The following COL15A1 variants were observed in gnomAD, a reference collection of about 807,000 sequenced individuals.
COL15A1 encodes the protein collagen type XV alpha 1 chain.
In COL15A1, 111 loss-of-function variants were observed where a neutral mutation model predicts 165.9. The ratio of observed to expected loss-of-function variants is 0.67; its 90% CI spans 0.57 to 0.78. COL15A1 has a LOEUF of 0.78. Ranked by LOEUF, COL15A1 falls within the 30% of genes least tolerant of loss-of-function variation. The pLI is 0.00. For missense variants in COL15A1, 1,745 were observed against 1,789.7 expected (o/e 0.98, Z 0.45); for synonymous variants, 659 against 674.8 (o/e 0.98, Z 0.36).
chr9:99,049,093 C>T (rs527993721), intron 28 of COL15A1, among the ~76,000 whole-genome samples: 6 of 152,324 alleles, frequency 3.9e-5, no homozygotes, highest in African/African-American at 1.4e-4. Flanking sequence ...TCTGCATGAA[C>T]TAAACTCTTC....
At chr9:99,002,854 A>G (rs999568706) in intron 7 of COL15A1, among the ~76,000 whole-genome samples, 3 of 152,350 alleles carry the variant, frequency 2.0e-5, no homozygotes, top group Admixed American at 2.0e-4. Context: ...TAACCAAAAG[A>G]ACCACATTTT....
At chr9:99,003,671 C>A in intron 8 of COL15A1, 84 bp downstream of exon 8, 1 of 1,375,154 alleles carries the variant, frequency 7.3e-7, no homozygotes, top group South Asian at 1.7e-5. Flanking sequence ...CTGGCTTTCC[C>A]TATGTGTCTG....
intron 31 of COL15A1, 134 bp from the exon 32 acceptor site, chr9:99,054,442 C>T: frequency 1.1e-6 from 1 of 884,200 alleles, no homozygotes. Flanking sequence ...TTTACACTTG[C>T]TGATCTCTCA....
intron 2 of COL15A1, among the ~76,000 whole-genome samples, chr9:98,950,082 T>C (rs550809817): frequency 3.1e-4 from 47 of 152,368 alleles, no homozygotes; most frequent in African/African-American, 1.1e-3. Context: ...TGTTTTTCCA[T>C]TCATTTGTTG....
intron 13 of COL15A1, 129 bp downstream of exon 13, chr9:99,022,279 G>A: frequency 1.8e-6 from 2 of 1,103,916 alleles, no homozygotes; most frequent in Admixed American, 1.9e-5. Context: ...AGGGCTTTCT[G>A]CCTCTACTAG....
intron 9 of COL15A1, among the ~76,000 whole-genome samples, chr9:99,006,049 A>G (rs1838757298): frequency 6.6e-6 from 1 of 151,782 alleles, no homozygotes. Flanking sequence ...TCTTCCTCAT[A>G]CCTCTTCCCT....
At chr9:98,966,491 A>C (rs543652481) in intron 2 of COL15A1, among the ~76,000 whole-genome samples, 1 of 152,372 alleles carries the variant, frequency 6.6e-6, no homozygotes, top group East Asian at 1.9e-4. Context: ...GGCCATGAGC[A>C]GCCTCCCTGA....
chr9:99,052,519 C>T, intron 31 of COL15A1, 86 bp downstream of exon 31: 1 of 1,121,776 alleles, frequency 8.9e-7, no homozygotes, highest in Admixed American at 1.7e-5. Context: ...AGGGCGCAGA[C>T]TAGGTGGTCA....
intron 40 of COL15A1, 67 bp from the exon 41 acceptor site, chr9:99,068,488 A>ATT: frequency 5.8e-6 from 3 of 514,248 alleles, no homozygotes; most frequent in Non-Finnish European, 1.0e-5. Context: ...AAAAAAAAAG[A>ATT]GTAAAAATCT....
At chr9:99,038,121 A>C (rs1030068795) in intron 21 of COL15A1, among the ~76,000 whole-genome samples, 16 of 151,778 alleles carry the variant, frequency 1.1e-4, no homozygotes, top group African/African-American at 3.2e-4. Context: ...GAAAAAAAAA[A>C]CACGATTTTT....
chr9:98,953,084 G>A (rs1837716923), intron 2 of COL15A1, among the ~76,000 whole-genome samples: 1 of 152,202 alleles, frequency 6.6e-6, no homozygotes. Context: ...GTGGGTAGGT[G>A]AGGGTTGTAA....
intron 36 of COL15A1, among the ~76,000 whole-genome samples, chr9:99,061,403 A>G (rs1332249554): frequency 4.6e-5 from 7 of 152,232 alleles, no homozygotes; most frequent in Admixed American, 3.9e-4. Context: ...ATGGCTGTCT[A>G]ATCTTTGGCA....
intron 31 of COL15A1, 98 bp from the exon 32 acceptor site, chr9:99,054,478 G>A (rs1282498997): frequency 7.4e-7 from 1 of 1,346,158 alleles, no homozygotes; most frequent in African/African-American, 1.5e-5. Flanking sequence ...AGTGGACTTT[G>A]CTAAATGAGC....
At chr9:98,944,384 T>C in intron 2 of COL15A1, 134 bp downstream of exon 2, 1 of 903,378 alleles carries the variant, frequency 1.1e-6, no homozygotes, top group Non-Finnish European at 1.7e-6. Flanking sequence ...CAGTGCGCAC[T>C]GGCGGTCCCG....
chr9:99,018,962 C>T (rs999945994), intron 11 of COL15A1, among the ~76,000 whole-genome samples: 12 of 151,842 alleles, frequency 7.9e-5, no homozygotes, highest in African/African-American at 2.9e-4. Context: ...TTTTTTAAAG[C>T]TCTGAGAAGG....
At chr9:99,040,162 T>A (rs1395381374) in intron 22 of COL15A1, among the ~76,000 whole-genome samples, 2 of 152,210 alleles carry the variant, frequency 1.3e-5, no homozygotes, top group African/African-American at 4.8e-5. Context: ...CAAGGGGTCT[T>A]TGTTTTCCCC....
rs1491369678 is a variant in COL15A1, at chr9:99,060,257, T to TATATA, written c.3402+304_3402+305insATATA. ...TTTTATATATATATATATATATATA[T>TATATA]TTTTTTTTTGCTGGATGAGGGGTGG... On this transcript the variant is annotated intron_variant, in intron 36 of 41. Coordinates refer to ENST00000375001, the MANE Select transcript of COL15A1 (RefSeq NM_001855.5). Among the ~76,000 whole-genome samples, 269 of 126,572 alleles carry TATATA rather than the reference T, an allele frequency of 2.1e-3. 2 individuals are homozygous for TATATA. Among genetic ancestry groups the TATATA allele is most frequent in the African/African-American group, 8.3e-3 (240 of 28,990 alleles). 83.0% of individuals were successfully genotyped at this position (126,572 alleles called of 152,430 possible). A position where few individuals can be genotyped will look rare whatever the true frequency, so the allele number is the denominator to read the frequency against.
chr9:99,018,756 C>T (rs1237436192), intron 11 of COL15A1, among the ~76,000 whole-genome samples: 1 of 152,194 alleles, frequency 6.6e-6, no homozygotes, highest in Non-Finnish European at 1.5e-5. Context: ...GTGAAAGAAG[C>T]TGGTTGTAAA....
intron 5 of COL15A1, among the ~76,000 whole-genome samples, chr9:98,993,943 G>C (rs1838497261): frequency 6.6e-6 from 1 of 152,132 alleles, no homozygotes; most frequent in South Asian, 2.1e-4. Context: ...CTTTCTGAGT[G>C]GTCAGGGACT....
Sources: gnomAD v4.1 joint callset for allele counts (sites outside exome capture counted in the v4.1 genomes callset) on GRCh38, gnomAD v4.1.1 for gene constraint, MANE v1.5 for transcripts, NCBI Gene and HGNC (gene_info 2026-07-23, HGNC 2026-07-21) for gene names.